The following ERBB4 variants were observed in gnomAD, a reference collection of about 807,000 sequenced individuals.
ERBB4 encodes the protein erb-b2 receptor tyrosine kinase 4.
A neutral mutation model predicts 158.0 loss-of-function variants in ERBB4; 42 were observed. The observed-to-expected ratio is 0.27, with a 90% CI of 0.21 to 0.34. The LOEUF (loss-of-function observed/expected upper bound fraction) is 0.34, where lower values mean the gene tolerates loss of function less well. Among genes scored for constraint, ERBB4 ranks in the 10% least tolerant of loss-of-function variants. The pLI, the probability that ERBB4 is intolerant of heterozygous loss-of-function variation, is 1.00. For synonymous variants in ERBB4, 583 were observed against 558.7 expected (o/e 1.04, Z -0.61); for missense variants, 1,333 against 1,624.1 (o/e 0.82, Z 3.08).
intron 2 of ERBB4, among the ~76,000 whole-genome samples, chr2:212,079,123 A>T (rs1438062827): frequency 1.3e-5 from 2 of 151,174 alleles, no homozygotes; most frequent in Non-Finnish European, 3.0e-5. Context: ...TAAAATAAAA[A>T]TTTTTATATA....
chr2:211,879,417 C>T (rs1392497934), intron 3 of ERBB4, among the ~76,000 whole-genome samples: 2 of 152,080 alleles, frequency 1.3e-5, no homozygotes, highest in African/African-American at 4.8e-5. Flanking sequence ...GATGTTTAAC[C>T]TCATTGATAA....
At chr2:212,080,340 T>A (rs79219508) in intron 2 of ERBB4, among the ~76,000 whole-genome samples, 19,031 of 149,658 alleles carry the variant, frequency 0.13, 1,477 homozygotes, top group African/African-American at 0.21. Context: ...AAATAAAAAT[T>A]AAAATTAAAA....
intron 25 of ERBB4, among the ~76,000 whole-genome samples, chr2:211,405,966 A>C (rs2063138432): frequency 6.6e-6 from 1 of 152,026 alleles, no homozygotes; most frequent in Non-Finnish European, 1.5e-5. Flanking sequence ...CTGATACCCA[A>C]ATCCTGTTGT....
At chr2:211,627,636 G>A (rs946225618) in intron 17 of ERBB4, among the ~76,000 whole-genome samples, 10 of 152,142 alleles carry the variant, frequency 6.6e-5, no homozygotes, top group African/African-American at 2.2e-4. Flanking sequence ...TCCCATTCCT[G>A]TCAGTGTTCA....
In ERBB4 at chr2:211,608,941, TAAG is replaced by T. The variant is rs936686838; in HGVS notation, c.2301+10233_2301+10235del. Among the ~76,000 whole-genome samples the T allele has an allele frequency of 9.2e-5, 14 of 152,108 alleles. No homozygotes were observed. The East Asian group carries it at 1.5e-3, about 17-fold the overall frequency. ...CAATGTGGAATCACTTTCTAAACAT[TAAG>T]AAGATTTCTAGCAATCTGGGGTCAT... On this transcript the variant is annotated intron_variant, in intron 19 of 27. Transcript: ENST00000342788.
intron 20 of ERBB4, among the ~76,000 whole-genome samples, chr2:211,481,565 T>G (rs921987287): frequency 2.0e-5 from 3 of 151,776 alleles, no homozygotes; most frequent in African/African-American, 7.3e-5. Context: ...ATCTACTCTC[T>G]GGAAGTACTG....
At chr2:212,375,515 C>T (rs2090289379) in intron 1 of ERBB4, among the ~76,000 whole-genome samples, 1 of 152,088 alleles carries the variant, frequency 6.6e-6, no homozygotes, top group South Asian at 2.1e-4. Flanking sequence ...ACATCAATAG[C>T]AAGTTGCTGG....
chr2:212,397,824 A>G (rs2091074882), intron 1 of ERBB4, among the ~76,000 whole-genome samples: 1 of 152,088 alleles, frequency 6.6e-6, no homozygotes, highest in South Asian at 2.1e-4. Flanking sequence ...AAGGATATTG[A>G]TCAATTGTCA....
chr2:212,458,094 T>C (rs1419566605), intron 1 of ERBB4, among the ~76,000 whole-genome samples: 1 of 152,122 alleles, frequency 6.6e-6, no homozygotes, highest in Admixed American at 6.6e-5. Context: ...AAATAATTCA[T>C]GTCAACAAAT....
intron 1 of ERBB4, among the ~76,000 whole-genome samples, chr2:212,266,078 G>C (rs1490158912): frequency 6.6e-6 from 1 of 151,852 alleles, no homozygotes; most frequent in African/African-American, 2.4e-5. Flanking sequence ...CAGTTTGAGT[G>C]ACTAGAGCCT....
intron 21 of ERBB4, among the ~76,000 whole-genome samples, chr2:211,429,644 C>A (rs2063708176): frequency 6.6e-6 from 1 of 152,130 alleles, no homozygotes; most frequent in Non-Finnish European, 1.5e-5. Flanking sequence ...ACTAAATAGG[C>A]CTTTGAAATC....
chr2:211,951,980 C>T (rs560041018), intron 2 of ERBB4, among the ~76,000 whole-genome samples: 1 of 152,040 alleles, frequency 6.6e-6, no homozygotes, highest in South Asian at 2.1e-4. Flanking sequence ...GTCCCTTTCT[C>T]TGACCCAGAA....
At chr2:212,097,473 G>T (rs1196556858) in intron 2 of ERBB4, among the ~76,000 whole-genome samples, 1 of 152,138 alleles carries the variant, frequency 6.6e-6, no homozygotes, top group Non-Finnish European at 1.5e-5. Flanking sequence ...GAAAGCAGGT[G>T]ACTAACCAAA....
rs999190603 is a variant in ERBB4 at position 211,523,615 on chromosome 2, G to A, written c.2487+38288C>T. Among the ~76,000 whole-genome samples, 4 of 151,888 alleles carry A rather than the reference G, an allele frequency of 2.6e-5. No homozygotes were observed. The South Asian group carries it at 6.3e-4, about 24-fold the overall frequency. On this transcript the variant is annotated intron_variant, in intron 20 of 27. Transcript: ENST00000342788. ...TGAGTGTTACAGCTCTCAAGGCTGC[G>A]CGTCTGGAGTTGTTCGTTCCTCCCG...
chr2:212,041,702 A>G lies in ERBB4; in HGVS notation c.234+83050T>C, dbSNP rs1423730140. On this transcript the variant is annotated intron_variant, in intron 2 of 27. Coordinates refer to ENST00000342788, the MANE Select transcript of ERBB4 (RefSeq NM_005235.3). Reference sequence around the variant, plus strand: ...AGGGAAGCAGAAAAAAACAGTATCAATATAGAATATCCTATTCTCTGCAAA... The same window carrying G: ...AGGGAAGCAGAAAAAAACAGTATCAGTATAGAATATCCTATTCTCTGCAAA... 3.3e-5 allele frequency among the ~76,000 whole-genome samples: 5 copies of G among 152,118 alleles called. No individual in the cohort carries two copies. The East Asian group carries it at 9.6e-4, about 29-fold the overall frequency.
intron 2 of ERBB4, among the ~76,000 whole-genome samples, chr2:211,987,440 T>C (rs1383538391): frequency 6.6e-6 from 1 of 150,974 alleles, no homozygotes; most frequent in Admixed American, 6.6e-5. Context: ...TTAAAAACAA[T>C]GGAAATTACA....
intron 19 of ERBB4, among the ~76,000 whole-genome samples, chr2:211,588,368 A>G (rs2068353704): frequency 6.6e-6 from 1 of 152,118 alleles, no homozygotes; most frequent in Admixed American, 6.6e-5. Context: ...ATTAAAACAA[A>G]AAGTAATACG....
chr2:211,695,042 T>G (rs1370290606), intron 12 of ERBB4, among the ~76,000 whole-genome samples: 2 of 152,202 alleles, frequency 1.3e-5, no homozygotes, highest in African/African-American at 2.4e-5. Flanking sequence ...CAACATTTCT[T>G]ATGATGTTAT....
chr2:211,589,857 T>C (rs530070388), intron 19 of ERBB4, among the ~76,000 whole-genome samples: 30 of 152,262 alleles, frequency 2.0e-4, no homozygotes, highest in African/African-American at 7.2e-4. Flanking sequence ...TGTCCAATTA[T>C]GAGAGAAGAG....
Sources: gnomAD v4.1 joint callset for allele counts (sites outside exome capture counted in the v4.1 genomes callset) on GRCh38, gnomAD v4.1.1 for gene constraint, MANE v1.5 for transcripts, NCBI Gene and HGNC (gene_info 2026-07-23, HGNC 2026-07-21) for gene names.